Variants in FAM76B observed in about 807,000 individuals in gnomAD.
FAM76B encodes protein FAM76B.
FAM76B carries 16 observed loss-of-function variants against 51.8 expected under a neutral mutation model. That is an observed-to-expected ratio of 0.31 (90% CI 0.21 to 0.47). The LOEUF is 0.47. Ranked by LOEUF, FAM76B falls within the 20% of genes least tolerant of loss-of-function variation. FAM76B has a pLI of 1.00. For synonymous variants in FAM76B, 166 were observed against 129.5 expected (o/e 1.28, Z -1.91); for missense variants, 342 against 392.6 (o/e 0.87, Z 1.09).
chr11:95,789,022 G>A, intron 1 of FAM76B: 1 of 1,370,174 alleles, frequency 7.3e-7, no homozygotes, highest in South Asian at 1.2e-5. Flanking sequence ...ACCGTCCCCT[G>A]CCTCCTGGTG....
chr11:95,784,371 T>G (rs1462059274), intron 4 of FAM76B, among the ~76,000 whole-genome samples: 2 of 152,008 alleles, frequency 1.3e-5, no homozygotes, highest in South Asian at 2.1e-4. Flanking sequence ...AAATAATCTG[T>G]GCAACAAACC....
intron 1 of FAM76B, chr11:95,789,128 C>T: frequency 1.5e-6 from 2 of 1,322,190 alleles, no homozygotes; most frequent in South Asian, 3.0e-5. Flanking sequence ...CTCAACCCCA[C>T]TCCTGAGACC....
At chr11:95,771,693 A>G (rs772098419) in intron 9 of FAM76B, 43 bp from the exon 10 acceptor site, 1 of 1,473,060 alleles carries the variant, frequency 6.8e-7, no homozygotes, top group African/African-American at 1.4e-5. Flanking sequence ...TGTTTGAAAT[A>G]TTATTAAGTC....
chr11:95,785,136 T>A (rs1175864012), intron 4 of FAM76B, among the ~76,000 whole-genome samples: 1 of 152,240 alleles, frequency 6.6e-6, no homozygotes, highest in Non-Finnish European at 1.5e-5. Flanking sequence ...TAACTGTAAC[T>A]AGGGTATGCT....
Position 95,789,509 on chromosome 11 carries a change from C to A in FAM76B, c.-31G>T, listed in dbSNP as rs1265541190. ...TCCTCAGTCTCCTCCTCCGCCGCCG[C>A]CCGCTCCGAGGCGGGGCCCTACGGA... On this transcript the variant is annotated 5_prime_UTR_variant, in exon 1 of 10. Transcript: ENST00000358780. 3 of 1,567,828 alleles carry A rather than the reference C, an allele frequency of 1.9e-6. No individual in the cohort carries two copies. The highest frequency in any genetic ancestry group is 2.6e-6 in the Non-Finnish European group (3 of 1,155,888).
intron 9 of FAM76B, among the ~76,000 whole-genome samples, chr11:95,772,813 C>A (rs1859828801): frequency 6.6e-6 from 1 of 151,040 alleles, no homozygotes; most frequent in Non-Finnish European, 1.5e-5. Context: ...CATTCCCCCA[C>A]CCTTCTTCTC....
At chr11:95,784,689 G>A (rs560122678) in intron 4 of FAM76B, among the ~76,000 whole-genome samples, 2 of 151,426 alleles carry the variant, frequency 1.3e-5, no homozygotes, top group East Asian at 2.0e-4. Flanking sequence ...CCGGGTTCAC[G>A]CCATTCTCCT....
rs762635376 is a variant in FAM76B at position 95,788,486 on chromosome 11, T to C, written c.152+13A>G. On this transcript the variant is annotated intron_variant, in intron 2 of 9. Transcript: ENST00000358780. ...CTTGTCTTTAACAGTCAAAAACTAT[T>C]CAGTATACAAACCTCTCTTGTTGAA... The C allele has an allele frequency of 6.3e-7, 1 of 1,598,594 alleles. No individual in the cohort carries two copies. Among genetic ancestry groups the C allele is most frequent in the South Asian group, 1.1e-5 (1 of 90,664 alleles).
At chr11:95,779,546 A>G in intron 7 of FAM76B, 61 bp downstream of exon 7, 1 of 1,387,802 alleles carries the variant, frequency 7.2e-7, no homozygotes, top group Non-Finnish European at 9.9e-7. Flanking sequence ...AATAACTGGC[A>G]TTCAACCATA....
rs2120337832 is a variant in FAM76B at position 95,789,530 on chromosome 11, A to C, written c.-52T>G. The C allele has an allele frequency of 6.6e-7, 1 of 1,525,318 alleles. No homozygotes were observed. The highest frequency in any genetic ancestry group is 2.0e-5 in the Admixed American group (1 of 50,784). The allele number at this position is 1,525,318 out of a possible 1,614,324, so 94.5% of individuals were successfully genotyped here. On this transcript the variant is annotated 5_prime_UTR_variant, in exon 1 of 10. Coordinates refer to ENST00000358780, the MANE Select transcript of FAM76B (RefSeq NM_144664.5). The stretch of plus-strand genomic sequence containing the variant: ...GCCGCCCGCTCCGAGGCGGGGCCCT[A>C]CGGAGAACCCGAGAGCCGCCGCCGC...
Position 95,789,309 on chromosome 11 carries a change from G to A in FAM76B, c.87+83C>T, listed in dbSNP as rs190462280. On this transcript the variant is annotated intron_variant, in intron 1 of 9. Transcript: ENST00000358780. The stretch of plus-strand genomic sequence containing the variant: ...CAAACCCCTGAGGCGCCGGCGAAGA[G>A]GGGCTGCAGTGCAGCGGCTACCCGG... 3.9e-4 allele frequency: 554 copies of A among 1,427,204 alleles called. 6 individuals are homozygous for A. In the South Asian group the frequency reaches 6.3e-3, roughly 16 times the overall value. 88.4% of individuals were successfully genotyped at this position (1,427,204 alleles called of 1,614,324 possible).
chr11:95,775,774 A>T, intron 9 of FAM76B, 148 bp downstream of exon 9: 1 of 449,896 alleles, frequency 2.2e-6, no homozygotes, highest in Non-Finnish European at 3.9e-6. Context: ...TGAGATCAAG[A>T]TTAAAAATGA....
rs190347770 is a variant in FAM76B, at chr11:95,781,416, T to C, written c.564-1490A>G. On this transcript the variant is annotated intron_variant, in intron 5 of 9. Coordinates refer to ENST00000358780, the MANE Select transcript of FAM76B (RefSeq NM_144664.5). ...CATCAAATAGAAAATAGTGTTTGTA[T>C]TTCATAAGTAACCAGAAGTAAAAAA... Among the ~76,000 whole-genome samples, 437 of 152,298 alleles carry C rather than the reference T, an allele frequency of 2.9e-3. 3 individuals carry two copies. The highest frequency in any genetic ancestry group is 0.01 in the African/African-American group (419 of 41,568).
Position 95,789,541 on chromosome 11 carries a change from G to A in FAM76B, c.-63C>T, listed in dbSNP as rs1224051621. ...CGAGGCGGGGCCCTACGGAGAACCC[G>A]AGAGCCGCCGCCGCCCGGGCCGCGG... On this transcript the variant is annotated 5_prime_UTR_variant, in exon 1 of 10. Transcript: ENST00000358780. 1.7e-5 allele frequency: 25 copies of A among 1,469,062 alleles called. No individual in the cohort carries two copies. The East Asian group carries it at 4.2e-4, about 25-fold the overall frequency. 91.0% of individuals were successfully genotyped at this position (1,469,062 alleles called of 1,614,324 possible).
At chr11:95,782,237 A>C (rs151026183) in intron 5 of FAM76B, among the ~76,000 whole-genome samples, 12 of 152,284 alleles carry the variant, frequency 7.9e-5, no homozygotes, top group South Asian at 4.1e-4. Flanking sequence ...CTCCCCCCAC[A>C]GGTCACTTTA....
chr11:95,779,977 A>G (rs1860186465), intron 5 of FAM76B, 51 bp from the exon 6 acceptor site: 3 of 1,472,202 alleles, frequency 2.0e-6, no homozygotes, highest in Non-Finnish European at 9.3e-7. Flanking sequence ...TATTTAATAC[A>G]TCTAAATTTA....
At chr11:95,777,035 C>T (rs1208569044) in intron 8 of FAM76B, among the ~76,000 whole-genome samples, 1 of 151,242 alleles carries the variant, frequency 6.6e-6, no homozygotes, top group Non-Finnish European at 1.5e-5. Flanking sequence ...TGCCAACATA[C>T]ACCAGATCAG....
At chr11:95,785,762 A>C (rs547029104) in intron 4 of FAM76B, among the ~76,000 whole-genome samples, 2 of 152,366 alleles carry the variant, frequency 1.3e-5, no homozygotes, top group African/African-American at 4.8e-5. Flanking sequence ...AGAGTAACTG[A>C]ATTTTATGTG....
intron 8 of FAM76B, among the ~76,000 whole-genome samples, chr11:95,776,923 G>C (rs1860036451): frequency 6.7e-6 from 1 of 150,060 alleles, no homozygotes; most frequent in South Asian, 2.1e-4. Context: ...GAGTCTTATA[G>C]TCTTATTAAA....
Sources: allele counts gnomAD v4.1 joint callset (sites outside exome capture counted in the v4.1 genomes callset), GRCh38; gene constraint gnomAD v4.1.1; transcripts MANE v1.5; gene names NCBI Gene and HGNC (gene_info 2026-07-23, HGNC 2026-07-21).